Variants in ZC2HC1B observed in about 807,000 individuals in gnomAD.
ZC2HC1B encodes the protein zinc finger C2HC-type containing 1B, also known as zinc finger C2HC domain-containing protein 1B.
In ZC2HC1B, 36 loss-of-function variants were observed where a neutral mutation model predicts 31.0. The ratio of observed to expected loss-of-function variants is 1.16; its 90% CI spans 0.89 to 1.54. ZC2HC1B has a LOEUF of 1.54. Among genes scored for constraint, ZC2HC1B ranks in the 40% most tolerant of loss-of-function variants. ZC2HC1B has a pLI of 0.00. For missense variants in ZC2HC1B, 260 were observed against 268.6 expected (o/e 0.97, Z 0.22); for synonymous variants, 73 against 88.0 (o/e 0.83, Z 0.95).
Position 143,899,067 on chromosome 6 carries a change from G to A in ZC2HC1B, c.489+376G>A, listed in dbSNP as rs1269653940. 6.6e-6 allele frequency among the ~76,000 whole-genome samples: 1 copy of A among 152,184 alleles called. No individual in the cohort carries two copies. The highest frequency in any genetic ancestry group is 1.5e-5 in the Non-Finnish European group (1 of 68,034). ...TGGGACAGGCTGTCCCAAGGCAACT[G>A]CCCCACAGGTCATGTGTTTTGCTCT... On this transcript the variant is annotated intron_variant, in intron 5 of 7. Transcript: ENST00000237275. The surrounding 1 kb of genome is among the most constrained non-coding windows in gnomAD (Gnocchi z 5.0).
At chr6:143,892,925 A>G (rs1335876718) in intron 4 of ZC2HC1B, among the ~76,000 whole-genome samples, 2 of 152,188 alleles carry the variant, frequency 1.3e-5, no homozygotes, top group Non-Finnish European at 2.9e-5. Flanking sequence ...AAATTAGTAA[A>G]TTGAGCCTTA....
At position 143,918,935 on chromosome 6, in the gene ZC2HC1B, T is replaced by C. The variant is rs938252221; in HGVS notation, c.598+15783T>C. ...GGATTTATCTTCGTGGATATTTCCA[T>C]TTTGTTCATAGATCTTTTTCTTGAG... is the stretch of plus-strand genomic sequence containing the variant. On this transcript the variant is annotated intron_variant, in intron 6 of 7. Coordinates refer to ENST00000237275, the MANE Select transcript of ZC2HC1B (RefSeq NM_001013623.3). This position sits in a 1 kb window ranked among gnomAD's most constrained non-coding sequence, Gnocchi z 4.1. 3.3e-5 allele frequency among the ~76,000 whole-genome samples: 5 copies of C among 152,170 alleles called. No homozygotes were observed. Among genetic ancestry groups the C allele is most frequent in the African/African-American group, 1.2e-4 (5 of 41,466 alleles).
intron 1 of ZC2HC1B, chr6:143,881,818 G>C (rs1339268674): frequency 6.6e-6 from 1 of 152,138 alleles, no homozygotes; most frequent in East Asian, 1.9e-4. Flanking sequence ...TCAAGCTTCT[G>C]AGTTGAATGT....
rs553918792 is a variant in ZC2HC1B at position 143,884,218 on chromosome 6, C to G, written c.29-86C>G. 2.1e-5 allele frequency: 25 copies of G among 1,212,074 alleles called. No individual in the cohort carries two copies. In the South Asian group the frequency reaches 4.0e-4, roughly 19 times the overall value. 75.1% of individuals were successfully genotyped at this position (1,212,074 alleles called of 1,614,324 possible). A position where few individuals can be genotyped will look rare whatever the true frequency, so the allele number is the denominator to read the frequency against. ...GGGAAAAGAGAGTGAGGATATCAAGCTATTGAGGTCACCTCCAGTCAGTCA... is the reference window on the plus strand; with the variant it reads ...GGGAAAAGAGAGTGAGGATATCAAGGTATTGAGGTCACCTCCAGTCAGTCA... On this transcript the variant is annotated intron_variant, in intron 1 of 7. Coordinates refer to ENST00000237275, the MANE Select transcript of ZC2HC1B (RefSeq NM_001013623.3). This position sits in a 1 kb window ranked among gnomAD's most constrained non-coding sequence, Gnocchi z 5.1.
chr6:143,927,073 C>G (rs1044780138), intron 6 of ZC2HC1B, among the ~76,000 whole-genome samples: 1 of 151,938 alleles, frequency 6.6e-6, no homozygotes, highest in African/African-American at 2.4e-5. Context: ...GCTGGGATTA[C>G]AGGCGTGAGC....
chr6:143,878,957 A>T (rs1270296599), intron 1 of ZC2HC1B, among the ~76,000 whole-genome samples: 1 of 152,214 alleles, frequency 6.6e-6, no homozygotes, highest in Non-Finnish European at 1.5e-5. Flanking sequence ...AGAAAGTAGA[A>T]TCACCTAGAG....
intron 6 of ZC2HC1B, among the ~76,000 whole-genome samples, chr6:143,919,208 T>A (rs1274813343): frequency 6.8e-6 from 1 of 147,592 alleles, no homozygotes; most frequent in Non-Finnish European, 1.5e-5. Context: ...CTGCAGGGTT[T>A]GCTATTCTCT....
intron 1 of ZC2HC1B, among the ~76,000 whole-genome samples, chr6:143,880,552 C>T (rs1185438149): frequency 6.6e-6 from 1 of 152,032 alleles, no homozygotes; most frequent in Non-Finnish European, 1.5e-5. Flanking sequence ...CCACAAATTC[C>T]TTTAAATTAA....
At position 143,903,030 on chromosome 6, in the gene ZC2HC1B, T is replaced by C. The variant is rs1411832097; in HGVS notation, c.490-14T>C. The C allele has an allele frequency of 3.2e-6, 5 of 1,551,270 alleles. No individual in the cohort carries two copies. Among genetic ancestry groups the C allele is most frequent in the Non-Finnish European group, 4.4e-6 (5 of 1,146,668 alleles). ...GAAGGTGTTCTCTTTGTCTCTTTCTTTCTCTCTCTGTAGGGTAGGGCTCAG... is the reference window on the plus strand; with the variant it reads ...GAAGGTGTTCTCTTTGTCTCTTTCTCTCTCTCTCTGTAGGGTAGGGCTCAG... On this transcript the variant is annotated splice_polypyrimidine_tract_variant and intron_variant, in intron 5 of 7. Transcript: ENST00000237275. This position sits in a 1 kb window ranked among gnomAD's most constrained non-coding sequence, Gnocchi z 4.3.
At position 143,908,617 on chromosome 6, in the gene ZC2HC1B, C is replaced by T. The variant is rs1777823935; in HGVS notation, c.598+5465C>T. Among the ~76,000 whole-genome samples the T allele has an allele frequency of 1.3e-5, 2 of 152,142 alleles. No individual in the cohort carries two copies. The highest frequency in any genetic ancestry group is 1.3e-4 in the Admixed American group (2 of 15,270). ...TATAGGAATGCTAGCAATTTTTGCA[C>T]ATTGATTTTGTATTTTGAGACTTTG... On this transcript the variant is annotated intron_variant, in intron 6 of 7. Coordinates refer to ENST00000237275, the MANE Select transcript of ZC2HC1B (RefSeq NM_001013623.3). This position sits in a 1 kb window ranked among gnomAD's most constrained non-coding sequence, Gnocchi z 4.4.
intron 1 of ZC2HC1B, among the ~76,000 whole-genome samples, chr6:143,880,298 A>C (rs1040726834): frequency 6.6e-6 from 1 of 152,184 alleles, no homozygotes; most frequent in African/African-American, 2.4e-5. Context: ...CTCTGAGGTG[A>C]TACTCATTGT....
chr6:143,884,235 A>T lies in ZC2HC1B; in HGVS notation c.29-69A>T. The T allele has an allele frequency of 7.1e-7, 1 of 1,410,732 alleles. No homozygotes were observed. The highest frequency in any genetic ancestry group is 1.4e-5 in the South Asian group (1 of 73,842). 87.4% of individuals were successfully genotyped at this position (1,410,732 alleles called of 1,614,324 possible). On this transcript the variant is annotated intron_variant, in intron 1 of 7. Coordinates refer to ENST00000237275, the MANE Select transcript of ZC2HC1B (RefSeq NM_001013623.3). The surrounding 1 kb of genome is among the most constrained non-coding windows in gnomAD (Gnocchi z 5.1). ...ATATCAAGCTATTGAGGTCACCTCC[A>T]GTCAGTCATTTCTTCTCAGCGAGGA... is the stretch of plus-strand genomic sequence containing the variant.
At chr6:143,912,752 A>G (rs1397469635) in intron 6 of ZC2HC1B, among the ~76,000 whole-genome samples, 1 of 152,150 alleles carries the variant, frequency 6.6e-6, no homozygotes, top group African/African-American at 2.4e-5. Flanking sequence ...AGCAGTCTGG[A>G]TGCTTTTGAT....
chr6:143,937,454 C>T (rs1008708074), intron 6 of ZC2HC1B, among the ~76,000 whole-genome samples, 195 bp from the exon 7 acceptor site: 3 of 151,924 alleles, frequency 2.0e-5, no homozygotes, highest in Admixed American at 6.6e-5. Flanking sequence ...TGAGGTAGCC[C>T]CTGTTTTCCT....
At chr6:143,937,567 T>C (rs1778193540) in intron 6 of ZC2HC1B, 82 bp from the exon 7 acceptor site, 13 of 1,149,354 alleles carry the variant, frequency 1.1e-5, no homozygotes, top group Admixed American at 2.9e-5. Flanking sequence ...TTTGAACCCA[T>C]GTGGGGATTT....
intron 1 of ZC2HC1B, among the ~76,000 whole-genome samples, chr6:143,877,427 C>G (rs889043346): frequency 6.7e-6 from 1 of 148,652 alleles, no homozygotes; most frequent in African/African-American, 2.5e-5. Context: ...GAATTACAGG[C>G]ATGTACCACC....
rs535828939 is a variant in ZC2HC1B, at chr6:143,922,821, T to C, written c.599-14828T>C. ...TAGTCCTGCCATAAACAAGAGGATATGGGTATCCCTTTGATATACTGATTT... is the reference window on the plus strand; with the variant it reads ...TAGTCCTGCCATAAACAAGAGGATACGGGTATCCCTTTGATATACTGATTT... On this transcript the variant is annotated intron_variant, in intron 6 of 7. Coordinates refer to ENST00000237275, the MANE Select transcript of ZC2HC1B (RefSeq NM_001013623.3). The surrounding 1 kb of genome is among the most constrained non-coding windows in gnomAD (Gnocchi z 5.0). Among the ~76,000 whole-genome samples the C allele has an allele frequency of 6.6e-6, 1 of 152,328 alleles. No homozygotes were observed. The highest frequency in any genetic ancestry group is 1.9e-4 in the East Asian group (1 of 5,196).
chr6:143,900,479 A>G (rs1212972124), intron 5 of ZC2HC1B, among the ~76,000 whole-genome samples: 3 of 152,080 alleles, frequency 2.0e-5, no homozygotes, highest in Non-Finnish European at 4.4e-5. Context: ...GAAGGGCTTT[A>G]ACTCAAGCCA....
intron 5 of ZC2HC1B, among the ~76,000 whole-genome samples, chr6:143,901,793 G>A (rs9496805): frequency 0.098 from 14,919 of 151,936 alleles, 1,636 homozygotes; most frequent in African/African-American, 0.27. Context: ...CAGTTGATAC[G>A]ATTGGCATGA....
Sources: gnomAD v4.1 joint callset for allele counts (sites outside exome capture counted in the v4.1 genomes callset) on GRCh38, gnomAD v4.1.1 for gene constraint, Gnocchi (gnomAD v3.1) non-coding constraint, MANE v1.5 for transcripts, NCBI Gene and HGNC (gene_info 2026-07-23, HGNC 2026-07-21) for gene names.